Variants in ITGB5 observed in about 807,000 individuals in gnomAD.
ITGB5 encodes the protein integrin beta-5.
In ITGB5, 38 loss-of-function variants were observed where a neutral mutation model predicts 84.8. That is an observed-to-expected ratio of 0.45 (90% CI 0.35 to 0.59). The LOEUF is 0.59. Ranked by LOEUF, ITGB5 falls within the 20% of genes least tolerant of loss-of-function variation. The pLI, the probability that ITGB5 is intolerant of heterozygous loss-of-function variation, is 0.01. For synonymous variants in ITGB5, 393 were observed against 414.4 expected (o/e 0.95, Z 0.63); for missense variants, 905 against 1,034.5 (o/e 0.87, Z 1.72).
Position 124,809,235 on chromosome 3 carries a change from C to T in ITGB5, c.1129-79G>A, listed in dbSNP as rs2064459525. The T allele has an allele frequency of 1.3e-5, 20 of 1,518,666 alleles. No homozygotes were observed. The South Asian group carries it at 1.9e-4, about 15-fold the overall frequency. The allele number at this position is 1,518,666 out of a possible 1,614,324, so 94.1% of individuals were successfully genotyped here. A position where few individuals can be genotyped will look rare whatever the true frequency, so the allele number is the denominator to read the frequency against. On this transcript the variant is annotated intron_variant, in intron 8 of 14. Transcript: ENST00000296181. ...GTGCTCCCACACTGGTTTTCTGAGGCCCACGTGGCTTCCTCTAACTCAGGA... is the reference window on the plus strand; with the variant it reads ...GTGCTCCCACACTGGTTTTCTGAGGTCCACGTGGCTTCCTCTAACTCAGGA...
At chr3:124,893,226 G>A (rs1935037127) in intron 1 of ITGB5, among the ~76,000 whole-genome samples, 1 of 152,082 alleles carries the variant, frequency 6.6e-6, no homozygotes, top group African/African-American at 2.4e-5. Flanking sequence ...TGGCCAACAT[G>A]GTGAAAACCC....
intron 5 of ITGB5, among the ~76,000 whole-genome samples, chr3:124,840,767 G>A (rs1008891315): frequency 2.6e-5 from 4 of 151,838 alleles, no homozygotes; most frequent in East Asian, 3.9e-4. Flanking sequence ...TGGTTCAAGC[G>A]ATTCTCCTGC....
chr3:124,792,551 G>A (rs559506315), intron 10 of ITGB5: 2 of 152,266 alleles, frequency 1.3e-5, no homozygotes, highest in East Asian at 3.9e-4. Flanking sequence ...AGCACCAACT[G>A]GCCACACATC....
chr3:124,840,563 T>C (rs192952475), intron 5 of ITGB5, among the ~76,000 whole-genome samples: 1 of 152,266 alleles, frequency 6.6e-6, no homozygotes, highest in East Asian at 1.9e-4. Flanking sequence ...TCATTTCTGA[T>C]CTAAGTCTAG....
In ITGB5 at chr3:124,811,247, T is replaced by C. The variant is rs561741433; in HGVS notation, c.1129-2091A>G. On this transcript the variant is annotated intron_variant, in intron 8 of 14. Coordinates refer to ENST00000296181, the MANE Select transcript of ITGB5 (RefSeq NM_002213.5). ...GTTGTGAAGTCCAAGGGCTGTATCA[T>C]AGATCTCTCTGTGACTTAGTACAAT... Among the ~76,000 whole-genome samples the C allele has an allele frequency of 2.4e-3, 372 of 152,296 alleles. 5 individuals carry two copies. Among genetic ancestry groups the C allele is most frequent in the Non-Finnish European group, 5.1e-4 (35 of 68,026 alleles).
At chr3:124,805,845 C>G (rs965972355) in intron 9 of ITGB5, among the ~76,000 whole-genome samples, 1 of 152,124 alleles carries the variant, frequency 6.6e-6, no homozygotes, top group African/African-American at 2.4e-5. Context: ...ACCAAGTTTC[C>G]TATATCCTAG....
At chr3:124,878,035 G>T (rs1392343566) in intron 1 of ITGB5, among the ~76,000 whole-genome samples, 2 of 152,142 alleles carry the variant, frequency 1.3e-5, no homozygotes, top group African/African-American at 4.8e-5. Flanking sequence ...TAGAGATAGG[G>T]TTTCAGCATG....
chr3:124,812,222 T>C (rs1166470211), intron 8 of ITGB5, among the ~76,000 whole-genome samples: 1 of 152,214 alleles, frequency 6.6e-6, no homozygotes, highest in African/African-American at 2.4e-5. Flanking sequence ...TGAAGACTTT[T>C]ATGTGTGACT....
chr3:124,846,999 T>C (rs900530020), intron 4 of ITGB5, among the ~76,000 whole-genome samples: 1 of 152,216 alleles, frequency 6.6e-6, no homozygotes, highest in Non-Finnish European at 1.5e-5. Flanking sequence ...GCTCTACCCC[T>C]TGCTGTTTGT....
intron 5 of ITGB5, among the ~76,000 whole-genome samples, chr3:124,836,461 A>C (rs1277095577): frequency 6.6e-6 from 1 of 152,100 alleles, no homozygotes. Flanking sequence ...AAAAAGAAAA[A>C]GAAAAAAAAA....
chr3:124,764,199 A>T (rs1579158220), intron 14 of ITGB5, among the ~76,000 whole-genome samples, 192 bp downstream of exon 14: 2 of 152,280 alleles, frequency 1.3e-5, no homozygotes, highest in East Asian at 1.9e-4. Context: ...TGGAACAGGG[A>T]TCTGTGCAGC....
Position 124,821,443 on chromosome 3 carries a change from T to C in ITGB5, c.812A>G (p.His271Arg). 1 of 1,614,228 alleles carries C rather than the reference T, an allele frequency of 6.2e-7. No individual in the cohort carries two copies. Among genetic ancestry groups the C allele is most frequent in the Non-Finnish European group, 8.5e-7 (1 of 1,180,034 alleles). The change falls in exon 6 of 15, where the codon CAT (histidine) becomes CGT (arginine). Residue 271 changes from histidine to arginine, a missense_variant. His to Arg is a conservative substitution (Grantham distance 29). Around this residue, in one of 3 missense-constraint regions of ITGB5, gnomAD observed 656 missense variants for 734.7 expected, o/e 0.89. Coordinates refer to ENST00000296181, the MANE Select transcript of ITGB5 (RefSeq NM_002213.5). ...ATCATCTGTTGTGAACACCAGCAAA[T>C]GCAGTGCATCCTTTCGCCAGCCAAT... ...EKIGWRKDAL[H>R]LLVFTTDDVP...
intron 10 of ITGB5, among the ~76,000 whole-genome samples, chr3:124,774,551 G>A (rs2063895102): frequency 6.6e-6 from 1 of 152,116 alleles, no homozygotes; most frequent in African/African-American, 2.4e-5. Flanking sequence ...AGCCTCAGAG[G>A]GAATGCAGCC....
intron 2 of ITGB5, among the ~76,000 whole-genome samples, chr3:124,872,183 T>A (rs1934088321): frequency 6.6e-6 from 1 of 152,188 alleles, no homozygotes; most frequent in South Asian, 2.1e-4. Context: ...CAAAGTAAAT[T>A]GAGAACTCCC....
intron 12 of ITGB5, among the ~76,000 whole-genome samples, chr3:124,768,321 C>G (rs2063795121): frequency 1.3e-5 from 2 of 152,222 alleles, no homozygotes; most frequent in Non-Finnish European, 2.9e-5. Context: ...TCGTTTTACT[C>G]AACTCACAAT....
chr3:124,873,853 A>G (rs1265646), intron 1 of ITGB5, among the ~76,000 whole-genome samples: 99,430 of 151,764 alleles, frequency 0.66, 32,943 homozygotes, highest in East Asian at 0.82. Context: ...TAGTCTATCC[A>G]AAATGACAAA....
At chr3:124,797,297 G>A (rs1243494423) in intron 9 of ITGB5, among the ~76,000 whole-genome samples, 1 of 152,172 alleles carries the variant, frequency 6.6e-6, no homozygotes, top group Non-Finnish European at 1.5e-5. Context: ...CGGGTGAAGG[G>A]CACCCACCTG....
chr3:124,857,866 G>C (rs939503290), intron 3 of ITGB5, among the ~76,000 whole-genome samples: 9 of 152,142 alleles, frequency 5.9e-5, no homozygotes, highest in African/African-American at 2.2e-4. Context: ...AGGCATGGTG[G>C]TTCACGCCTG....
chr3:124,887,755 G>C (rs529501215), upstream of ITGB5: 2 of 442,502 alleles, frequency 4.5e-6, no homozygotes, highest in South Asian at 3.2e-5. Context: ...GAGCAGGTAC[G>C]GGGGTCGTGC....
Sources: gnomAD v4.1 joint callset for allele counts (sites outside exome capture counted in the v4.1 genomes callset) on GRCh38, gnomAD v4.1.1 for gene constraint, gnomAD v4.1.1 regional missense constraint, MANE v1.5 for transcripts, NCBI Gene and HGNC (gene_info 2026-07-23, HGNC 2026-07-21) for gene names.